Variants in DMD observed in about 807,000 individuals in gnomAD.
DMD encodes the protein dystrophin, also known as mutant dystrophin.
In DMD, 63 loss-of-function variants were observed where a neutral mutation model predicts 330.1. The observed-to-expected ratio is 0.19, with a 90% CI of 0.16 to 0.24. The LOEUF is 0.24. Among genes scored for constraint, DMD ranks in the 10% least tolerant of loss-of-function variants. The pLI, the probability that DMD is intolerant of heterozygous loss-of-function variation, is 1.00. For synonymous variants in DMD, 1,223 were observed against 959.8 expected (o/e 1.27, Z -5.07); for missense variants, 3,344 against 2,684.1 (o/e 1.25, Z -5.43).
intron 62 of DMD, among the ~76,000 whole-genome samples, chrX:31,316,207 T>C (rs1360705227): frequency 8.9e-6 from 1 of 112,350 alleles, no homozygotes; most frequent in African/African-American, 3.2e-5. Context: ...GCATGCTTCC[T>C]AACACTAAAG....
At chrX:31,301,363 CT>C (rs1273977154) in intron 62 of DMD, among the ~76,000 whole-genome samples, 2 of 111,753 alleles carry the variant, frequency 1.8e-5, no homozygotes, top group Admixed American at 1.9e-4. Flanking sequence ...GTTTAATTGA[CT>C]CACAGTTCTG....
At chrX:32,903,338 G>A (rs1036057121) in intron 2 of DMD, among the ~76,000 whole-genome samples, 1 of 109,821 alleles carries the variant, frequency 9.1e-6, no homozygotes, top group Non-Finnish European at 1.9e-5. Flanking sequence ...ATGTATGTAG[G>A]TAGGGTGGGG....
intron 60 of DMD, among the ~76,000 whole-genome samples, chrX:31,374,302 C>T (rs1473782057): frequency 3.0e-5 from 3 of 100,271 alleles, no homozygotes; most frequent in Non-Finnish European, 4.0e-5. Context: ...TACCATTTGA[C>T]CCAGCCATCC....
At chrX:32,586,494 T>A (rs2054305551) in intron 13 of DMD, among the ~76,000 whole-genome samples, 1 of 109,195 alleles carries the variant, frequency 9.2e-6, no homozygotes, top group African/African-American at 3.3e-5. Flanking sequence ...ATTTAACTCA[T>A]TCATGCAAAT....
rs192912574 is a variant in DMD at position 31,348,074 on chromosome X, G to A, written c.9163+482C>T. 3.3e-3 allele frequency: 405 copies of A among 121,195 alleles called. 3 individuals are homozygous for A. Among genetic ancestry groups the A allele is most frequent in the Non-Finnish European group, 5.0e-3 (293 of 58,937 alleles). The allele number at this position is 121,195 out of a possible 1,213,427, so 10.0% of individuals were successfully genotyped here. A position where few individuals can be genotyped will look rare whatever the true frequency, so the allele number is the denominator to read the frequency against. ...GGGATCATTTAATGAATTATTTAAAGAATTATAGAGTCACAGTAACATATA... is the reference window on the plus strand; with the variant it reads ...GGGATCATTTAATGAATTATTTAAAAAATTATAGAGTCACAGTAACATATA... On this transcript the variant is annotated intron_variant, in intron 61 of 78. Coordinates refer to ENST00000357033, the MANE Select transcript of DMD (RefSeq NM_004006.3).
chrX:31,792,251 T>C (rs926006987), intron 50 of DMD, among the ~76,000 whole-genome samples: 6 of 112,223 alleles, frequency 5.3e-5, no homozygotes, highest in African/African-American at 1.9e-4. Flanking sequence ...ATGAGTTATT[T>C]AGCTTAGGAC....
intron 50 of DMD, among the ~76,000 whole-genome samples, chrX:31,800,581 T>C (rs1481454139): frequency 8.9e-6 from 1 of 112,413 alleles, no homozygotes; most frequent in Non-Finnish European, 1.9e-5. Context: ...TCTTCCCCAT[T>C]GTCTTGGCGC....
intron 9 of DMD, among the ~76,000 whole-genome samples, chrX:32,684,022 C>A (rs867504611): frequency 9.6e-4 from 87 of 91,076 alleles, no homozygotes; most frequent in Non-Finnish European, 1.5e-3. Context: ...CATACATACA[C>A]ACACACACAC....
chrX:32,684,419 G>A (rs1333351420), intron 9 of DMD, among the ~76,000 whole-genome samples: 4 of 111,014 alleles, frequency 3.6e-5, no homozygotes, highest in Admixed American at 9.6e-5. Flanking sequence ...TAATCCTATG[G>A]TGATCACTAT....
intron 70 of DMD, chrX:31,178,182 A>C (rs2040746157): frequency 1.3e-6 from 1 of 752,341 alleles, no homozygotes; most frequent in African/African-American, 2.3e-5. Flanking sequence ...CAGGTTGAAA[A>C]GAGGTGAAGA....
intron 1 of DMD, among the ~76,000 whole-genome samples, chrX:33,077,917 C>T (rs913848510): frequency 1.8e-4 from 20 of 112,359 alleles, no homozygotes; most frequent in African/African-American, 6.5e-4. Context: ...AAATGATTTG[C>T]TTATAAAATG....
In DMD at chrX:31,369,689, A is replaced by T. The variant is rs146346999; in HGVS notation, c.9085-21055T>A. 4.3e-3 allele frequency among the ~76,000 whole-genome samples: 479 copies of T among 110,986 alleles called. 1 individual carries two copies. Among genetic ancestry groups the T allele is most frequent in the African/African-American group, 0.015 (454 of 30,492 alleles). ...TGGGACATTCAGGTTGTGGTGGACA[A>T]GAAACATAGAAGGTGGCTGGGTCTG... On this transcript the variant is annotated intron_variant, in intron 60 of 78. Transcript: ENST00000357033.
intron 1 of DMD, among the ~76,000 whole-genome samples, chrX:33,048,863 G>A (rs988305588): frequency 9.0e-6 from 1 of 110,789 alleles, no homozygotes; most frequent in Admixed American, 9.7e-5. Flanking sequence ...AGGGCAGAAT[G>A]TGTAATTAGG....
intron 2 of DMD, among the ~76,000 whole-genome samples, chrX:33,012,600 G>C (rs1190497539): frequency 3.6e-5 from 4 of 111,322 alleles, no homozygotes. Flanking sequence ...ATAGTGTAAG[G>C]TGATACTCAT....
At position 32,285,463 on chromosome X, in the gene DMD, T is replaced by G. The variant is rs143432676; in HGVS notation, c.6290+2066A>C. ...TAGAGAGAGTCTGTTACTCAGGCTG[T>G]AGTACAGTGGCACAATCATGGCTCG... On this transcript the variant is annotated intron_variant, in intron 43 of 78. Transcript: ENST00000357033. 1.5e-3 allele frequency among the ~76,000 whole-genome samples: 168 copies of G among 112,106 alleles called. 1 individual carries two copies. Among genetic ancestry groups the G allele is most frequent in the African/African-American group, 5.2e-3 (162 of 30,862 alleles).
intron 76 of DMD, among the ~76,000 whole-genome samples, chrX:31,143,083 T>C (rs1416332569): frequency 1.8e-5 from 2 of 112,220 alleles, no homozygotes; most frequent in African/African-American, 6.5e-5. Flanking sequence ...ACTGCATTTA[T>C]TTAAACACCT....
In DMD at chrX:31,335,244, T is replaced by G. The variant is rs16989557; in HGVS notation, c.9164-11586A>C. Among the ~76,000 whole-genome samples the G allele has an allele frequency of 4.0e-3, 447 of 112,551 alleles. 5 individuals carry two copies. Among genetic ancestry groups the G allele is most frequent in the African/African-American group, 0.014 (425 of 31,018 alleles). The stretch of plus-strand genomic sequence containing the variant: ...GTTGAGTAACAAAGTGAATCAATTC[T>G]TAACTGACTGAAGATAAAGTGAAGT... On this transcript the variant is annotated intron_variant, in intron 61 of 78. Coordinates refer to ENST00000357033, the MANE Select transcript of DMD (RefSeq NM_004006.3).
intron 41 of DMD, among the ~76,000 whole-genome samples, chrX:32,337,990 C>T (rs2097723611): frequency 9.0e-6 from 1 of 111,422 alleles, no homozygotes. Flanking sequence ...TAGCAAAAAT[C>T]TATAGACAAG....
chrX:31,180,526 A>C (rs749572927), intron 68 of DMD, 45 bp from the exon 69 acceptor site: 23 of 882,831 alleles, frequency 2.6e-5, no homozygotes, highest in Non-Finnish European at 2.3e-5. Flanking sequence ...CTTCGAATCA[A>C]ATTCCCAAAG....
Sources: gnomAD v4.1 joint callset for allele counts (sites outside exome capture counted in the v4.1 genomes callset) on GRCh38, gnomAD v4.1.1 for gene constraint, MANE v1.5 for transcripts, NCBI Gene and HGNC (gene_info 2026-07-23, HGNC 2026-07-21) for gene names.